The following RGS11 variants were observed in gnomAD, a reference collection of about 807,000 sequenced individuals.
RGS11 encodes the protein regulator of G-protein signaling 11.
Under a neutral mutation model 71.1 loss-of-function variants are expected in RGS11, and 86 were observed. The observed-to-expected ratio is 1.21, with a 90% CI of 1.02 to 1.45. The LOEUF (loss-of-function observed/expected upper bound fraction) is 1.45. RGS11 is among the 40% of genes most tolerant of loss of function. The probability of loss-of-function intolerance (pLI) is 0.00; values close to 1 mark genes in which losing one functional copy is unlikely to be tolerated. For missense variants in RGS11, 734 were observed against 635.1 expected, an observed-to-expected ratio of 1.16 and a Z score of -1.67; for synonymous variants, 298 against 254.2, an observed-to-expected ratio of 1.17 and a Z score of -1.64.
At chr16:270,683 G>A in intron 14 of RGS11, 22 bp from the exon 15 acceptor site, 1 of 1,609,948 alleles carries the variant, frequency 6.2e-7, no homozygotes, top group Non-Finnish European at 8.5e-7. Context: ...GACAGCACTG[G>A]GTAGTCTCGG....
Position 275,060 on chromosome 16 carries a change from G to T in RGS11, c.234C>A (p.Val78=). 6.7e-7 allele frequency: 1 copy of T among 1,484,424 alleles called. No individual in the cohort carries two copies. The highest frequency in any genetic ancestry group is 9.0e-7 in the Non-Finnish European group (1 of 1,115,424). The allele number at this position is 1,484,424 out of a possible 1,614,324, so 92.0% of individuals were successfully genotyped here. ...GGTAGATGTAGCCATGCTGCACCAGGACGGCGCCCAGGTGCAGGGCCTCTG... is the reference window on the plus strand; with the variant it reads ...GGTAGATGTAGCCATGCTGCACCAGTACGGCGCCCAGGTGCAGGGCCTCTG... ...SEEEALHLGA[V]LVQHGYIYPL... Residue 78 remains valine, a synonymous_variant, in exon 4 of 17, where the codon GTC becomes GTA. Transcript: ENST00000397770.
At position 269,361 on chromosome 16, in the gene RGS11, G is replaced by T. The variant is rs1567233530; in HGVS notation, c.1312C>A (p.Pro438Thr). Residue 438 changes from proline (P) to threonine (T), a missense_variant, in exon 17 of 17, where the codon CCA becomes ACA. Transcript: ENST00000397770. Reference protein sequence around the residue: ...KRRVFPFTWRPRHSSPSPALL... With the variant: ...KRRVFPFTWRTRHSSPSPALL... ...GCAGGGCTGGGGCTCGAGTGCCGTG[G>T]CCTCCACGTAAACGGGAACACGCTG... 2 of 1,603,624 alleles carry T rather than the reference G, an allele frequency of 1.2e-6. No homozygotes were observed. Among genetic ancestry groups the T allele is most frequent in the Middle Eastern group, 3.4e-4 (2 of 5,962 alleles).
In RGS11 at chr16:274,955, AC is replaced by A. The variant is rs1304542357; in HGVS notation, c.318+20del. 2 of 1,542,458 alleles carry A rather than the reference AC, an allele frequency of 1.3e-6. No homozygotes were observed. The highest frequency in any genetic ancestry group is 3.9e-5 in the Admixed American group (2 of 50,684). ...GGGGGTGGGGGTCCCACCGGCTCCCACCTGCACCCCCGAGCCTGACCTGGAA... is the reference window on the plus strand; with the variant it reads ...GGGGGTGGGGGTCCCACCGGCTCCCACTGCACCCCCGAGCCTGACCTGGAA... On this transcript the variant is annotated intron_variant, in intron 4 of 16. Coordinates refer to ENST00000397770, the MANE Select transcript of RGS11 (RefSeq NM_183337.3).
At chr16:272,303 C>T (rs2141413995) in intron 9 of RGS11, 1 of 1,279,272 alleles carries the variant, frequency 7.8e-7, no homozygotes, top group Admixed American at 2.3e-5. Context: ...TGGCCTGTGT[C>T]CCCGCTCTCT....
intron 7 of RGS11, 74 bp downstream of exon 7, chr16:273,686 C>T (rs2052036100): frequency 6.4e-7 from 1 of 1,551,646 alleles, no homozygotes; most frequent in South Asian, 1.1e-5. Context: ...CCACCGGAGC[C>T]TGGCCTGGGC....
In RGS11 at chr16:269,177, G is replaced by A. The variant is rs1202446664; in HGVS notation, c.*92C>T. 4 of 1,052,838 alleles carry A rather than the reference G, an allele frequency of 3.8e-6. No homozygotes were observed. Among genetic ancestry groups the A allele is most frequent in the East Asian group, 2.6e-5 (1 of 38,742 alleles). 65.2% of individuals were successfully genotyped at this position (1,052,838 alleles called of 1,614,324 possible). On this transcript the variant is annotated 3_prime_UTR_variant, in exon 17 of 17. Transcript: ENST00000397770. ...GGGGACACTGGTGCTGGGTTCAGCA[G>A]CCCCCAGGACCTGGGCCAAGACGGG...
chr16:272,342 G>A (rs1457004782), intron 9 of RGS11: 12 of 1,289,560 alleles, frequency 9.3e-6, no homozygotes, highest in Non-Finnish European at 1.2e-5. Context: ...GGAAATGTTA[G>A]GGTCGTGAAC....
At position 275,515 on chromosome 16, in the gene RGS11, G is replaced by C. The variant is rs775750447; in HGVS notation, c.64-17C>G. ...CCGCTCCATCTGGGCGGAGGGAGTCGTCAGGGGGTGTCTGGCCGCCCCGCA... is the reference window on the plus strand; with the variant it reads ...CCGCTCCATCTGGGCGGAGGGAGTCCTCAGGGGGTGTCTGGCCGCCCCGCA... On this transcript the variant is annotated splice_polypyrimidine_tract_variant and intron_variant, in intron 1 of 16. Transcript: ENST00000397770. 2.0e-5 allele frequency: 31 copies of C among 1,530,382 alleles called. No homozygotes were observed. Among genetic ancestry groups the C allele is most frequent in the Non-Finnish European group, 2.5e-5 (29 of 1,138,982 alleles). 94.8% of individuals were successfully genotyped at this position (1,530,382 alleles called of 1,614,324 possible).
At position 270,748 on chromosome 16, in the gene RGS11, A is replaced by G. The variant is rs2051892667; in HGVS notation, c.1063T>C (p.Tyr355His). Residue 355 changes from tyrosine to histidine, a missense_variant, in exon 14 of 17, where the codon TAC (tyrosine) becomes CAC (histidine). Tyr to His is a moderately conservative substitution (Grantham distance 83). Transcript: ENST00000397770. Reference sequence around the variant, plus strand: ...TGCCCACCACGCAGCACTTACTCGTACACGGCATCCACCAGGGTGGGGACC... The same window carrying G: ...TGCCCACCACGCAGCACTTACTCGTGCACGGCATCCACCAGGGTGGGGACC... ...AQVPTLVDAVYEQFLAPGAAH... is the reference protein window; with the variant it reads ...AQVPTLVDAVHEQFLAPGAAH... 1 of 1,612,394 alleles carries G rather than the reference A, an allele frequency of 6.2e-7. No homozygotes were observed. The highest frequency in any genetic ancestry group is 1.7e-5 in the Admixed American group (1 of 59,976).
rs548219812 is a variant in RGS11, at chr16:272,715, C to A, written c.657+148G>T. The stretch of plus-strand genomic sequence containing the variant: ...AGGGGCCTGGGGAACAGGGAGTGAC[C>A]GGGAGTGAGCAGGGGCTTGGGGAGG... On this transcript the variant is annotated intron_variant, in intron 9 of 16. Coordinates refer to ENST00000397770, the MANE Select transcript of RGS11 (RefSeq NM_183337.3). 1.3e-5 allele frequency: 19 copies of A among 1,487,646 alleles called. No homozygotes were observed. The South Asian group carries it at 2.2e-4, about 17-fold the overall frequency. 92.2% of individuals were successfully genotyped at this position (1,487,646 alleles called of 1,614,324 possible).
At position 274,962 on chromosome 16, in the gene RGS11, C is replaced by G. The variant is rs1313804713; in HGVS notation, c.318+14G>C. 1.3e-6 allele frequency: 2 copies of G among 1,541,782 alleles called. No individual in the cohort carries two copies. The highest frequency in any genetic ancestry group is 2.7e-5 in the African/African-American group (2 of 73,016). ...GGGGTCCCACCGGCTCCCACCTGCA[C>G]CCCCGAGCCTGACCTGGAACCTGTA... On this transcript the variant is annotated intron_variant, in intron 4 of 16. Coordinates refer to ENST00000397770, the MANE Select transcript of RGS11 (RefSeq NM_183337.3).
rs1265465867 is a variant in RGS11 at position 269,309 on chromosome 16, G to C, written c.1364C>G (p.Thr455Arg). ...PALLPTPVEPTAACGPGGGDG... is the reference protein window; with the variant it reads ...PALLPTPVEPRAACGPGGGDG... ...TCCACCCCCAGGGCCACAAGCCGCT[G>C]TGGGCTCCACAGGGGTGGGAAGGAG... Residue 455 changes from threonine to arginine, a missense_variant, in exon 17 of 17, where the codon ACA (threonine) becomes AGA (arginine). Physicochemically the swap from Thr to Arg is moderately conservative, Grantham distance 71. Transcript: ENST00000397770. The C allele has an allele frequency of 6.3e-7, 1 of 1,594,078 alleles. No homozygotes were observed. Among genetic ancestry groups the C allele is most frequent in the Admixed American group, 1.8e-5 (1 of 56,530 alleles).
chr16:270,672 G>C lies in RGS11; in HGVS notation c.1068-11C>G. The C allele has an allele frequency of 6.2e-7, 1 of 1,610,046 alleles. No individual in the cohort carries two copies. The highest frequency in any genetic ancestry group is 2.2e-5 in the East Asian group (1 of 44,746). Reference sequence around the variant, plus strand: ...GGGGCCAGGAACTGCCTAGGGGTGGGGACAGCACTGGGTAGTCTCGGCTGG... The same window carrying C: ...GGGGCCAGGAACTGCCTAGGGGTGGCGACAGCACTGGGTAGTCTCGGCTGG... On this transcript the variant is annotated splice_polypyrimidine_tract_variant and intron_variant, in intron 14 of 16. Transcript: ENST00000397770.
intron 11 of RGS11, 24 bp from the exon 12 acceptor site, chr16:271,339 TGCAG>T (rs1179068623): frequency 6.2e-7 from 1 of 1,611,950 alleles, no homozygotes; most frequent in Non-Finnish European, 8.5e-7. Context: ...TGGGGGCTGG[TGCAG>T]GAGGGGCCTC....
chr16:275,771 GT>G (rs111978133), intron 1 of RGS11, 77 bp downstream of exon 1: 426,397 of 426,602 alleles, frequency 1, 213,097 homozygotes, highest in Middle Eastern at 1. Context: ...GCGCCCCCGT[GT>G]CCCCATGCTC....
At chr16:271,512 A>C (rs1427420038) in intron 10 of RGS11, 28 bp downstream of exon 10, 2 of 1,613,716 alleles carry the variant, frequency 1.2e-6, no homozygotes, top group South Asian at 2.2e-5. Context: ...GGCACCTGGC[A>C]CCCTCCACTC....
intron 8 of RGS11, 40 bp downstream of exon 8, chr16:273,435 G>A (rs1434390727): frequency 6.8e-6 from 10 of 1,474,854 alleles, no homozygotes; most frequent in East Asian, 5.0e-5. Context: ...TGACCCCTGC[G>A]CTGGCCAGCG....
At position 271,070 on chromosome 16, in the gene RGS11, T is replaced by A. The variant is rs751629144; in HGVS notation, c.893A>T (p.Glu298Val). 1 of 1,612,144 alleles carries A rather than the reference T, an allele frequency of 6.2e-7. No homozygotes were observed. Among genetic ancestry groups the A allele is most frequent in the South Asian group, 1.1e-5 (1 of 91,050 alleles). Residue 298 changes from glutamate to valine, a missense_variant, in exon 13 of 17, where the codon GAG (glutamate) becomes GTG (valine). By Grantham distance (121) the Glu-to-Val change is moderately radical. Transcript: ENST00000397770. ...TVAAPTKLRVERWGFSFRELL... is the reference protein window; with the variant it reads ...TVAAPTKLRVVRWGFSFRELL... Reference sequence around the variant, plus strand: ...CTCCCGGAAGCTGAAGCCCCATCTCTCCACACGGAGCTTCGTGGGGGCAGC... The same window carrying A: ...CTCCCGGAAGCTGAAGCCCCATCTCACCACACGGAGCTTCGTGGGGGCAGC...
Position 268,676 on chromosome 16 carries a change from A to C in RGS11, c.*593T>G, listed in dbSNP as rs926719813. 1 of 1,327,548 alleles carries C rather than the reference A, an allele frequency of 7.5e-7. No individual in the cohort carries two copies. Among genetic ancestry groups the C allele is most frequent in the African/African-American group, 1.5e-5 (1 of 68,706 alleles). The allele number at this position is 1,327,548 out of a possible 1,614,324, so 82.2% of individuals were successfully genotyped here. On this transcript the variant is annotated 3_prime_UTR_variant, in exon 17 of 17. Transcript: ENST00000397770. ...GCAGGTGCCGGCGCACCTGTGGACAAATTCTGGAACGCGTTTGGCGAGGGA... is the reference window on the plus strand; with the variant it reads ...GCAGGTGCCGGCGCACCTGTGGACACATTCTGGAACGCGTTTGGCGAGGGA...
Sources: allele counts gnomAD v4.1 joint callset, GRCh38; gene constraint gnomAD v4.1.1; transcripts MANE v1.5; gene names NCBI Gene and HGNC (gene_info 2026-07-23, HGNC 2026-07-21).